Variants in ACO1 observed in about 807,000 individuals in gnomAD.
ACO1 encodes aconitase 1.
Under a neutral mutation model 105.1 loss-of-function variants are expected in ACO1, and 78 were observed. That is an observed-to-expected ratio of 0.74 (90% CI 0.62 to 0.90). The LOEUF is 0.90. Ranked by LOEUF, ACO1 falls within the 40% of genes least tolerant of loss-of-function variation. ACO1 has a pLI of 0.00. For missense variants in ACO1, 965 were observed against 1,111.1 expected (o/e 0.87, Z 1.87); for synonymous variants, 364 against 397.4 (o/e 0.92, Z 1.00).
At chr9:32,429,383 T>C in intron 12 of ACO1, 36 bp from the exon 13 acceptor site, 1 of 1,600,594 alleles carries the variant, frequency 6.2e-7, no homozygotes, top group Non-Finnish European at 8.6e-7. Flanking sequence ...AAGTTATTCT[T>C]TTTTTGTGTG....
chr9:32,393,414 G>T (rs966447049), intron 1 of ACO1, among the ~76,000 whole-genome samples: 1 of 152,116 alleles, frequency 6.6e-6, no homozygotes, highest in Admixed American at 6.5e-5. Context: ...ATTTTGGTCA[G>T]ACCGGTTGTC....
intron 19 of ACO1, among the ~76,000 whole-genome samples, chr9:32,444,035 T>C (rs557118782): frequency 6.2e-5 from 9 of 144,542 alleles, no homozygotes; most frequent in Non-Finnish European, 1.4e-4. Flanking sequence ...GGGTTCTCAT[T>C]GTTCAACTCC....
At chr9:32,421,533 C>T (rs554201446) in intron 8 of ACO1, among the ~76,000 whole-genome samples, 1 of 152,150 alleles carries the variant, frequency 6.6e-6, no homozygotes, top group Non-Finnish European at 1.5e-5. Context: ...CTCTGCAACA[C>T]CCCTCTCAGG....
intron 19 of ACO1, chr9:32,445,440 C>T (rs750066455): frequency 3.1e-5 from 5 of 162,224 alleles, no homozygotes; most frequent in East Asian, 3.8e-4. Flanking sequence ...TTTGTATTTC[C>T]GGGGGATCAC....
At chr9:32,385,112 G>A (rs965919147) in intron 1 of ACO1, among the ~76,000 whole-genome samples, 2 of 152,236 alleles carry the variant, frequency 1.3e-5, no homozygotes, top group African/African-American at 4.8e-5. Context: ...CGGCTGGCTG[G>A]ATAGGGAAAC....
In ACO1 at chr9:32,453,856, C is replaced by G. The variant is rs1321432641; in HGVS notation, c.*3745C>G. On this transcript the variant is annotated 3_prime_UTR_variant, in exon 21 of 21. Coordinates refer to ENST00000309951, the MANE Select transcript of ACO1 (RefSeq NM_002197.3). ...CCCAGCCAGTTTGTGTTCAACCAGA[C>G]AGCGTCATTATGAACAAAGATTATA... The G allele has an allele frequency of 6.6e-6, 1 of 152,206 alleles. No homozygotes were observed. Among genetic ancestry groups the G allele is most frequent in the African/African-American group, 2.4e-5 (1 of 41,456 alleles). The allele number at this position is 152,206 out of a possible 1,614,324, so 9.4% of individuals were successfully genotyped here.
At chr9:32,427,174 A>G (rs1052818298) in intron 11 of ACO1, 127 bp from the exon 12 acceptor site, 19 of 1,213,782 alleles carry the variant, frequency 1.6e-5, no homozygotes, top group South Asian at 1.3e-4. Context: ...TAGCGCCAAC[A>G]TGAAGGGAGC....
In ACO1 at chr9:32,447,906, C is replaced by T. The variant is rs534034027; in HGVS notation, c.2371-990C>T. The stretch of plus-strand genomic sequence containing the variant: ...GGTATCACCAGCGGAAGCTGCAGAA[C>T]AGCAACGATTGCTGCCTCTTCCTTC... On this transcript the variant is annotated intron_variant, in intron 19 of 20. Coordinates refer to ENST00000309951, the MANE Select transcript of ACO1 (RefSeq NM_002197.3). Among the ~76,000 whole-genome samples, 8 of 152,350 alleles carry T rather than the reference C, an allele frequency of 5.3e-5. No homozygotes were observed. The East Asian group carries it at 1.3e-3, about 26-fold the overall frequency.
Position 32,433,801 on chromosome 9 carries a change from A to T in ACO1, c.1925A>T (p.Tyr642Phe). ...TTTTTCTGGAATTCCAAATCTACGT[A>T]TATCAAATCACCACCATTCTTTGAA... ...KLFFWNSKST[Y>F]IKSPPFFENL... The change falls in exon 16 of 21, where the codon TAT becomes TTT. Residue 642 changes from tyrosine to phenylalanine, a missense_variant. Tyr to Phe is a conservative substitution (Grantham distance 22, BLOSUM62 3). Transcript: ENST00000309951. 6.2e-7 allele frequency: 1 copy of T among 1,612,140 alleles called. No individual in the cohort carries two copies. The highest frequency in any genetic ancestry group is 8.5e-7 in the Non-Finnish European group (1 of 1,179,540).
rs908400175 is a variant in ACO1, at chr9:32,450,056, C to T, written c.2615C>T (p.Thr872Ile). Residue 872 changes from threonine to isoleucine, a missense_variant, in exon 21 of 21, where the codon ACT (threonine) becomes ATT (isoleucine). Physicochemically the swap from Thr to Ile is moderately conservative, Grantham distance 89. Coordinates refer to ENST00000309951, the MANE Select transcript of ACO1 (RefSeq NM_002197.3). ...AGGTTTGACACTGATGTGGAGCTCACTTATTTCCTCAACGGGGGCATCCTC... is the reference window on the plus strand; with the variant it reads ...AGGTTTGACACTGATGTGGAGCTCATTTATTTCCTCAACGGGGGCATCCTC... ...VMRFDTDVEL[T>I]YFLNGGILNY... 77 of 1,613,980 alleles carry T rather than the reference C, an allele frequency of 4.8e-5. No homozygotes were observed. Among genetic ancestry groups the T allele is most frequent in the Non-Finnish European group, 6.4e-5 (76 of 1,180,040 alleles).
At chr9:32,433,971 G>A (rs1478493565) in intron 16 of ACO1, 139 bp downstream of exon 16, 1 of 689,884 alleles carries the variant, frequency 1.4e-6, no homozygotes, top group Non-Finnish European at 2.4e-6. Flanking sequence ...TACTGCTGGG[G>A]AAAGTTTTGG....
At chr9:32,416,220 G>C (rs955191523) in intron 4 of ACO1, among the ~76,000 whole-genome samples, 1 of 151,244 alleles carries the variant, frequency 6.6e-6, no homozygotes, top group Non-Finnish European at 1.5e-5. Flanking sequence ...TCAGCCTCTC[G>C]AGTAGCTGGG....
In ACO1 at chr9:32,430,525, A is replaced by G; in HGVS notation, c.1677A>G (p.Ala559=). 2 of 1,609,918 alleles carry G rather than the reference A, an allele frequency of 1.2e-6. No homozygotes were observed. The highest frequency in any genetic ancestry group is 1.7e-4 in the Middle Eastern group (1 of 6,060). ...TAGCCTCTCCCCCCTTAGTAATAGC[A>G]TATGCAATTGCTGGAACCATCAGAA... ...NYLASPPLVI[A]YAIAGTIRID... Residue 559 remains alanine, a synonymous_variant, in exon 14 of 21, where the codon GCA becomes GCG. Coordinates refer to ENST00000309951, the MANE Select transcript of ACO1 (RefSeq NM_002197.3).
intron 8 of ACO1, 47 bp downstream of exon 8, chr9:32,421,074 T>C (rs748738091): frequency 1.3e-6 from 2 of 1,587,142 alleles, no homozygotes; most frequent in South Asian, 1.1e-5. Context: ...AAAAGTTCCA[T>C]GAAACACCAA....
intron 1 of ACO1, among the ~76,000 whole-genome samples, chr9:32,392,395 C>T (rs1335637771): frequency 2.0e-5 from 3 of 152,172 alleles, no homozygotes; most frequent in African/African-American, 4.8e-5. Flanking sequence ...CAAGGGTCTG[C>T]ATTAGAGGAA....
At chr9:32,427,624 C>T (rs1419860418) in intron 12 of ACO1, among the ~76,000 whole-genome samples, 188 bp downstream of exon 12, 1 of 152,146 alleles carries the variant, frequency 6.6e-6, no homozygotes, top group Non-Finnish European at 1.5e-5. Context: ...CTCTAGGGCA[C>T]CTACCATGAA....
At position 32,418,918 on chromosome 9, in the gene ACO1, ACT is replaced by A; in HGVS notation, c.659-117_659-116del. The A allele has an allele frequency of 6.6e-6, 8 of 1,220,400 alleles. No homozygotes were observed. In the East Asian group the frequency reaches 8.1e-5, roughly 12 times the overall value. The allele number at this position is 1,220,400 out of a possible 1,614,324, so 75.6% of individuals were successfully genotyped here. On this transcript the variant is annotated intron_variant, in intron 6 of 20. Coordinates refer to ENST00000309951, the MANE Select transcript of ACO1 (RefSeq NM_002197.3). ...AATAACTGCTCTTTATAGAAACATG[ACT>A]CTGCACCAATTAAACGTTGTAACTG...
intron 13 of ACO1, among the ~76,000 whole-genome samples, chr9:32,429,765 C>T (rs1057244832): frequency 1.3e-5 from 2 of 152,128 alleles, no homozygotes; most frequent in Non-Finnish European, 2.9e-5. Flanking sequence ...TGATGATAAA[C>T]ATAAGTCACT....
At position 32,454,516 on chromosome 9, in the gene ACO1, C is replaced by T. The variant is rs558451152; in HGVS notation, c.*4405C>T. Reference sequence around the variant, plus strand: ...TGAACCACAGGAGCTTCAAAACATACACGGCTGGACACCCTGCCAGGATGC... The same window carrying T: ...TGAACCACAGGAGCTTCAAAACATATACGGCTGGACACCCTGCCAGGATGC... On this transcript the variant is annotated 3_prime_UTR_variant, in exon 21 of 21. Coordinates refer to ENST00000309951, the MANE Select transcript of ACO1 (RefSeq NM_002197.3). 1.3e-5 allele frequency: 2 copies of T among 152,134 alleles called. No homozygotes were observed. Among genetic ancestry groups the T allele is most frequent in the East Asian group, 3.9e-4 (2 of 5,164 alleles). 9.4% of individuals were successfully genotyped at this position (152,134 alleles called of 1,614,324 possible).
Sources: gnomAD v4.1 joint callset for allele counts (sites outside exome capture counted in the v4.1 genomes callset) on GRCh38, gnomAD v4.1.1 for gene constraint, MANE v1.5 for transcripts, NCBI Gene and HGNC (gene_info 2026-07-23, HGNC 2026-07-21) for gene names.